SLC25A12: variants seen among roughly 807,000 people sequenced by gnomAD.
SLC25A12 encodes electrogenic aspartate/glutamate antiporter SLC25A12, mitochondrial.
SLC25A12 carries 32 observed loss-of-function variants against 83.3 expected under a neutral mutation model. The ratio of observed to expected loss-of-function variants is 0.38; its 90% CI spans 0.29 to 0.52. SLC25A12 has a LOEUF of 0.52. Ranked by LOEUF, SLC25A12 falls within the 20% of genes least tolerant of loss-of-function variation. The probability of loss-of-function intolerance (pLI) is 0.84; values close to 1 mark genes in which losing one functional copy is unlikely to be tolerated. For synonymous variants in SLC25A12, 267 were observed against 291.1 expected, an observed-to-expected ratio of 0.92 and a Z score of 0.84; for missense variants, 611 against 835.6, an observed-to-expected ratio of 0.73 and a Z score of 3.31.
chr2:171,872,609 C>A (rs1377324153), intron 2 of SLC25A12, among the ~76,000 whole-genome samples: 1 of 152,090 alleles, frequency 6.6e-6, no homozygotes, highest in Non-Finnish European at 1.5e-5. Context: ...CCACCAGTAA[C>A]TAGAATATGG....
chr2:171,819,375 AT>A lies in SLC25A12; in HGVS notation c.931-4174del, dbSNP rs1286911844. Reference sequence around the variant, plus strand: ...TATGTATTTATATTATATATAATATATTATATATAATATATATTATATAATT... The same window carrying A: ...TATGTATTTATATTATATATAATATATATATATAATATATATTATATAATT... On this transcript the variant is annotated intron_variant, in intron 9 of 17. Transcript: ENST00000422440. 2.0e-4 allele frequency among the ~76,000 whole-genome samples: 9 copies of A among 44,266 alleles called. No individual in the cohort carries two copies. The South Asian group carries it at 2.4e-3, about 12-fold the overall frequency. The allele number at this position is 44,266 out of a possible 152,430, so 29.0% of individuals were successfully genotyped here.
intron 13 of SLC25A12, among the ~76,000 whole-genome samples, chr2:171,794,407 G>T (rs1328622434): frequency 1.3e-5 from 2 of 152,152 alleles, no homozygotes; most frequent in Non-Finnish European, 2.9e-5. Flanking sequence ...ATAAATTTCA[G>T]TATCATTTCA....
At chr2:171,862,556 G>A (rs184373492) in intron 3 of SLC25A12, among the ~76,000 whole-genome samples, 1 of 152,288 alleles carries the variant, frequency 6.6e-6, no homozygotes, top group African/African-American at 2.4e-5. Flanking sequence ...GAACAAGAGA[G>A]AGGAACAGTT....
In SLC25A12 at chr2:171,837,149, G is replaced by T; in HGVS notation, c.584C>A (p.Thr195Asn). ...IMVTIRSHML[T>N]PFVEENLVSA... ...AACTAAGTTCTCCTCCACAAAAGGA[G>T]TAAGCATGTGAGATCTAATGGTAAC... is the stretch of plus-strand genomic sequence containing the variant. Residue 195 changes from threonine to asparagine, a missense_variant, in exon 6 of 18, where the codon ACT (threonine) becomes AAT (asparagine). Thr to Asn is a moderately conservative substitution (Grantham distance 65, BLOSUM62 0). Coordinates refer to ENST00000422440, the MANE Select transcript of SLC25A12 (RefSeq NM_003705.5). 1 of 1,614,058 alleles carries T rather than the reference G, an allele frequency of 6.2e-7. No homozygotes were observed. The highest frequency in any genetic ancestry group is 2.2e-5 in the East Asian group (1 of 44,870).
In SLC25A12 at chr2:171,784,036, C is replaced by T. The variant is rs1354927847; in HGVS notation, c.*1238G>A. Among the ~76,000 whole-genome samples the T allele has an allele frequency of 6.6e-6, 1 of 152,202 alleles. No individual in the cohort carries two copies. The highest frequency in any genetic ancestry group is 1.9e-4 in the East Asian group (1 of 5,200). On this transcript the variant is annotated 3_prime_UTR_variant, in exon 18 of 18. Coordinates refer to ENST00000422440, the MANE Select transcript of SLC25A12 (RefSeq NM_003705.5). ...GTAAATAAATTCTGATACTGCACAT[C>T]AAATCACATCCATATCAAAGTGTAG... is the stretch of plus-strand genomic sequence containing the variant.
intron 8 of SLC25A12, among the ~76,000 whole-genome samples, chr2:171,833,444 G>A (rs1684488102): frequency 1.3e-5 from 2 of 152,066 alleles, no homozygotes; most frequent in African/African-American, 4.8e-5. Context: ...CTGGACACAG[G>A]GAGCCTTCAC....
chr2:171,827,597 A>C (rs936621196), intron 8 of SLC25A12, among the ~76,000 whole-genome samples: 14 of 152,212 alleles, frequency 9.2e-5, no homozygotes, highest in African/African-American at 3.4e-4. Context: ...ATGGGTACTT[A>C]AACCCCGGAA....
chr2:171,865,234 T>C (rs989363265), intron 3 of SLC25A12, among the ~76,000 whole-genome samples: 2 of 152,118 alleles, frequency 1.3e-5, no homozygotes, highest in African/African-American at 4.8e-5. Flanking sequence ...TTATTCAACA[T>C]AAAATGAGGC....
At chr2:171,810,157 G>A (rs991543655) in intron 12 of SLC25A12, 67 bp downstream of exon 12, 2 of 1,419,992 alleles carry the variant, frequency 1.4e-6, no homozygotes, top group South Asian at 1.1e-5. Flanking sequence ...GCCTAGCCTT[G>A]ATTTTAGCTT....
chr2:171,852,812 T>C, intron 4 of SLC25A12: 1 of 304,032 alleles, frequency 3.3e-6, no homozygotes, highest in Non-Finnish European at 6.6e-6. Context: ...AGTTTCAATA[T>C]TTTCCCTCTT....
chr2:171,801,801 C>T (rs530967946), intron 13 of SLC25A12, among the ~76,000 whole-genome samples: 1 of 152,132 alleles, frequency 6.6e-6, no homozygotes, highest in African/African-American at 2.4e-5. Flanking sequence ...TAAGCTATGA[C>T]ATTCAGAAGG....
intron 9 of SLC25A12, among the ~76,000 whole-genome samples, chr2:171,817,623 AT>A (rs1386661550): frequency 2.7e-5 from 4 of 149,932 alleles, no homozygotes; most frequent in African/African-American, 7.3e-5. Flanking sequence ...AAAAAAAAAA[AT>A]GTATGTAGAA....
chr2:171,834,594 T>C, intron 7 of SLC25A12, 133 bp downstream of exon 7: 1 of 1,024,032 alleles, frequency 9.8e-7, no homozygotes. Context: ...GGAGCCCAAG[T>C]AAAGCATACA....
chr2:171,855,475 C>A (rs950704352), intron 4 of SLC25A12, among the ~76,000 whole-genome samples: 5 of 152,146 alleles, frequency 3.3e-5, no homozygotes, highest in African/African-American at 1.2e-4. Context: ...TCTGAACTCC[C>A]TATCTAAAAA....
intron 13 of SLC25A12, among the ~76,000 whole-genome samples, chr2:171,799,852 A>G (rs1007992350): frequency 3.9e-5 from 6 of 152,228 alleles, no homozygotes; most frequent in African/African-American, 1.2e-4. Context: ...CACCTGCAAC[A>G]TTAGCACTTT....
At chr2:171,856,292 T>C (rs1685043519) in intron 3 of SLC25A12, among the ~76,000 whole-genome samples, 2 of 152,182 alleles carry the variant, frequency 1.3e-5, no homozygotes. Flanking sequence ...AATTCTTTGT[T>C]GTGGGGGTTT....
At chr2:171,870,295 A>C (rs1685431911) in intron 2 of SLC25A12, among the ~76,000 whole-genome samples, 1 of 152,244 alleles carries the variant, frequency 6.6e-6, no homozygotes, top group South Asian at 2.1e-4. Context: ...ATTTATAGTC[A>C]TAATAATATA....
intron 4 of SLC25A12, among the ~76,000 whole-genome samples, chr2:171,846,992 T>C (rs983383048): frequency 1.3e-5 from 2 of 152,228 alleles, no homozygotes; most frequent in Admixed American, 6.5e-5. Context: ...AAATTAGTCA[T>C]AGTGATCTCC....
At chr2:171,894,144 G>T (rs1686001680) in intron 1 of SLC25A12, 59 bp downstream of exon 1, 4 of 1,584,752 alleles carry the variant, frequency 2.5e-6, no homozygotes, top group Non-Finnish European at 3.4e-6. Context: ...GGGGGCTGCA[G>T]GCAGGGCGCT....
Sources: allele counts gnomAD v4.1 joint callset (sites outside exome capture counted in the v4.1 genomes callset), GRCh38; gene constraint gnomAD v4.1.1; transcripts MANE v1.5; gene names NCBI Gene and HGNC (gene_info 2026-07-23, HGNC 2026-07-21).